NUP155: variants seen among roughly 807,000 people sequenced by gnomAD.
NUP155 encodes nucleoporin 155, also known as nuclear pore complex protein Nup155.
Under a neutral mutation model 180.4 loss-of-function variants are expected in NUP155, and 71 were observed. That is an observed-to-expected ratio of 0.39 (90% CI 0.33 to 0.48). The LOEUF (loss-of-function observed/expected upper bound fraction) is 0.48, where lower values mean the gene tolerates loss of function less well. Ranked by LOEUF, NUP155 falls within the 20% of genes least tolerant of loss-of-function variation. The pLI, the probability that NUP155 is intolerant of heterozygous loss-of-function variation, is 0.91. For synonymous variants in NUP155, 582 were observed against 559.5 expected (o/e 1.04, Z -0.57); for missense variants, 1,553 against 1,648.9 (o/e 0.94, Z 1.01).
intron 22 of NUP155, among the ~76,000 whole-genome samples, chr5:37,313,459 T>G (rs1201873262): frequency 7.3e-6 from 1 of 136,914 alleles, no homozygotes. Flanking sequence ...TAAAATGAAG[T>G]AGGAGTGGTG....
chr5:37,348,542 G>C lies in NUP155; in HGVS notation c.958C>G (p.Gln320Glu), dbSNP rs1429082267. 17 of 1,612,554 alleles carry C rather than the reference G, an allele frequency of 1.1e-5. No individual in the cohort carries two copies. Among genetic ancestry groups the C allele is most frequent in the Non-Finnish European group, 1.4e-5 (16 of 1,178,684 alleles). The change falls in exon 9 of 35, where the codon CAG becomes GAG. Residue 320 changes from glutamine to glutamate, a missense_variant. Transcript: ENST00000231498. Reference protein sequence around the residue: ...QGMSRVASVSQNAIVSAAGNI... With the variant: ...QGMSRVASVSENAIVSAAGNI... ...CCAGCAGCAGAGACAATGGCATTCT[G>C]TGACACAGAGGCAACTCTGCTCATT...
At chr5:37,331,118 T>G (rs1423860667) in intron 14 of NUP155, among the ~76,000 whole-genome samples, 1 of 149,450 alleles carries the variant, frequency 6.7e-6, no homozygotes, top group African/African-American at 2.5e-5. Flanking sequence ...CACTGCACTC[T>G]AGCCTGGGCG....
At position 37,317,454 on chromosome 5, in the gene NUP155, C is replaced by T. The variant is rs547982611; in HGVS notation, c.2305+534G>A. ...AGTGAGCCAAGATCACGCCATTGCA[C>T]TCCAGCCTGGGAAACAAGAGTGAAA... is the stretch of plus-strand genomic sequence containing the variant. On this transcript the variant is annotated intron_variant, in intron 21 of 34. Transcript: ENST00000231498. 1.5e-4 allele frequency among the ~76,000 whole-genome samples: 23 copies of T among 151,982 alleles called. No individual in the cohort carries two copies. The East Asian group carries it at 4.1e-3, about 27-fold the overall frequency.
intron 11 of NUP155, among the ~76,000 whole-genome samples, chr5:37,339,335 C>T (rs1479772704): frequency 2.0e-5 from 3 of 148,626 alleles, no homozygotes; most frequent in African/African-American, 7.5e-5. Context: ...AGGCAATTAT[C>T]TCAACAAAAC....
rs375709958 is a variant in NUP155 at position 37,294,317 on chromosome 5, T to C, written c.3930+12A>G. ...AAGAAAATAATTTTATGTTATTTAATATTTTCCTTACCCGTGATTTGAACA... is the reference window on the plus strand; with the variant it reads ...AAGAAAATAATTTTATGTTATTTAACATTTTCCTTACCCGTGATTTGAACA... On this transcript the variant is annotated intron_variant, in intron 33 of 34. Transcript: ENST00000231498. 1.9e-5 allele frequency: 29 copies of C among 1,506,014 alleles called. No individual in the cohort carries two copies. The African/African-American group carries it at 3.0e-4, about 16-fold the overall frequency. The allele number at this position is 1,506,014 out of a possible 1,614,324, so 93.3% of individuals were successfully genotyped here.
chr5:37,361,143 C>T (rs1401105314), intron 3 of NUP155, among the ~76,000 whole-genome samples: 1 of 151,676 alleles, frequency 6.6e-6, no homozygotes, highest in Non-Finnish European at 1.5e-5. Context: ...GTGGCCCATA[C>T]CTGTAGTCCC....
intron 1 of NUP155, among the ~76,000 whole-genome samples, chr5:37,368,307 C>T: frequency 6.9e-6 from 1 of 145,396 alleles, no homozygotes. Context: ...GCAGTCTCAA[C>T]CTCCCCGTCT....
chr5:37,342,715 T>A lies in NUP155; in HGVS notation c.996-69A>T. 3 of 1,029,600 alleles carry A rather than the reference T, an allele frequency of 2.9e-6. No individual in the cohort carries two copies. The South Asian group carries it at 3.9e-5, about 13-fold the overall frequency. The allele number at this position is 1,029,600 out of a possible 1,614,324, so 63.8% of individuals were successfully genotyped here. A position where few individuals can be genotyped will look rare whatever the true frequency, so the allele number is the denominator to read the frequency against. ...GCTAAATTATAAGAAATATTTCCCATCAGAATGTTTACATATTTCCATATT... is the reference window on the plus strand; with the variant it reads ...GCTAAATTATAAGAAATATTTCCCAACAGAATGTTTACATATTTCCATATT... On this transcript the variant is annotated intron_variant, in intron 9 of 34. Transcript: ENST00000231498.
At chr5:37,309,771 T>C (rs1382252665) in intron 23 of NUP155, among the ~76,000 whole-genome samples, 1 of 152,154 alleles carries the variant, frequency 6.6e-6, no homozygotes, top group African/African-American at 2.4e-5. Flanking sequence ...AGATTCTTTA[T>C]GGGCCAGGCG....
In NUP155 at chr5:37,304,759, G is replaced by A; in HGVS notation, c.3142C>T (p.Leu1048Phe). Reference sequence around the variant, plus strand: ...TTTACCTGTAGCAGCTTATCTGCAAGGTCGACTTGTATTAGCCAATTATAA... The same window carrying A: ...TTTACCTGTAGCAGCTTATCTGCAAAGTCGACTTGTATTAGCCAATTATAA... Reference protein sequence around the residue: ...ALYNWLIQVDLADKLLQVASP... With the variant: ...ALYNWLIQVDFADKLLQVASP... Residue 1048 changes from leucine (L) to phenylalanine (F), a missense_variant, in exon 27 of 35, where the codon CTT becomes TTT. Physicochemically the swap from Leu to Phe is conservative, Grantham distance 22. Transcript: ENST00000231498. 6.2e-7 allele frequency: 1 copy of A among 1,611,684 alleles called. No individual in the cohort carries two copies. The highest frequency in any genetic ancestry group is 8.5e-7 in the Non-Finnish European group (1 of 1,177,902).
intron 9 of NUP155, among the ~76,000 whole-genome samples, chr5:37,343,345 A>C (rs1378699183): frequency 6.6e-6 from 1 of 152,202 alleles, no homozygotes; most frequent in African/African-American, 2.4e-5. Context: ...AAGTGCTGGC[A>C]TTACAGGTGT....
At chr5:37,324,459 C>T (rs1433884720) in intron 19 of NUP155, among the ~76,000 whole-genome samples, 2 of 152,080 alleles carry the variant, frequency 1.3e-5, no homozygotes, top group Admixed American at 6.6e-5. Flanking sequence ...TTTTCTTACT[C>T]CTATCAACAT....
At chr5:37,296,333 G>C (rs1425016616) in intron 32 of NUP155, among the ~76,000 whole-genome samples, 1 of 152,100 alleles carries the variant, frequency 6.6e-6, no homozygotes, top group African/African-American at 2.4e-5. Flanking sequence ...TCTGTACTAA[G>C]AAAAATTCTT....
chr5:37,348,659 CT>C, intron 8 of NUP155, 63 bp from the exon 9 acceptor site: 1 of 960,180 alleles, frequency 1.0e-6, no homozygotes, highest in South Asian at 1.3e-5. Flanking sequence ...TTATTAAACT[CT>C]TTCTTTTAAG....
intron 20 of NUP155, among the ~76,000 whole-genome samples, chr5:37,320,980 CCAATA>C (rs1350345754): frequency 1.3e-5 from 2 of 152,050 alleles, no homozygotes; most frequent in African/African-American, 4.8e-5. Flanking sequence ...CCTGATCAAT[CCAATA>C]CAATAAGGAA....
intron 9 of NUP155, among the ~76,000 whole-genome samples, chr5:37,347,816 C>A (rs1746195607): frequency 6.6e-6 from 1 of 151,772 alleles, no homozygotes; most frequent in Non-Finnish European, 1.5e-5. Context: ...GCCTGGCCAA[C>A]ATGGCGAAAC....
chr5:37,310,845 T>A (rs982900218), intron 22 of NUP155, 102 bp from the exon 23 acceptor site: 1 of 975,166 alleles, frequency 1.0e-6, no homozygotes, highest in Non-Finnish European at 1.5e-6. Context: ...ATTAATAGAC[T>A]CTATAATTGA....
rs1320227990 is a variant in NUP155, at chr5:37,352,836, T to C, written c.464-7A>G. The C allele has an allele frequency of 7.5e-6, 12 of 1,601,326 alleles. No individual in the cohort carries two copies. Among genetic ancestry groups the C allele is most frequent in the Admixed American group, 1.7e-5 (1 of 59,974 alleles). ...ACATGAGGTTGAAAGATGCCTAAGA[T>C]AAAGTAGACACAGGGCAGGAATACT... is the stretch of plus-strand genomic sequence containing the variant. On this transcript the variant is annotated splice_polypyrimidine_tract_variant and splice_region_variant and intron_variant, in intron 4 of 34. Transcript: ENST00000231498.
rs747254818 is a variant in NUP155, at chr5:37,329,296, G to A, written c.1725-18C>T. On this transcript the variant is annotated intron_variant, in intron 15 of 34. Transcript: ENST00000231498. ...CACCATACCTATTTTTATGACAAGAGGTTGAGTTTATTCAGTAAAACAAAC... is the reference window on the plus strand; with the variant it reads ...CACCATACCTATTTTTATGACAAGAAGTTGAGTTTATTCAGTAAAACAAAC... 15 of 1,595,122 alleles carry A rather than the reference G, an allele frequency of 9.4e-6. No homozygotes were observed. The highest frequency in any genetic ancestry group is 1.3e-5 in the Non-Finnish European group (15 of 1,162,978).
Sources: allele counts gnomAD v4.1 joint callset (sites outside exome capture counted in the v4.1 genomes callset), GRCh38; gene constraint gnomAD v4.1.1; transcripts MANE v1.5; gene names NCBI Gene and HGNC (gene_info 2026-07-23, HGNC 2026-07-21).